Variants in VEGFC observed in about 807,000 individuals in gnomAD.
The protein encoded by VEGFC is FLT4 ligand DHM.
A neutral mutation model predicts 46.1 loss-of-function variants in VEGFC; 12 were observed. The observed-to-expected ratio is 0.26, with a 90% CI of 0.17 to 0.42. The LOEUF (loss-of-function observed/expected upper bound fraction) is 0.42, where lower values mean the gene tolerates loss of function less well. VEGFC is among the 10% of genes least tolerant of loss of function. The probability of loss-of-function intolerance (pLI) is 1.00; values close to 1 mark genes in which losing one functional copy is unlikely to be tolerated. For missense variants in VEGFC, 488 were observed against 529.4 expected, an observed-to-expected ratio of 0.92 and a Z score of 0.77; for synonymous variants, 232 against 195.5, an observed-to-expected ratio of 1.19 and a Z score of -1.56.
intron 1 of VEGFC, among the ~76,000 whole-genome samples, chr4:176,789,878 A>T (rs1303590706): frequency 6.6e-6 from 1 of 152,158 alleles, no homozygotes. Context: ...TTGATTTTTT[A>T]AATATTAAAA....
chr4:176,712,076 C>T (rs1318326751), intron 3 of VEGFC, among the ~76,000 whole-genome samples: 3 of 152,074 alleles, frequency 2.0e-5, no homozygotes, highest in African/African-American at 7.2e-5. Context: ...GGCCACACAA[C>T]CCAGAAATAC....
At position 176,727,983 on chromosome 4, in the gene VEGFC, G is replaced by A. The variant is rs1734901408; in HGVS notation, c.362-15C>T. The A allele has an allele frequency of 4.5e-6, 7 of 1,561,720 alleles. No homozygotes were observed. The highest frequency in any genetic ancestry group is 2.4e-5 in the South Asian group (2 of 82,466). ...ATTATCAATACCTGTCAAGTCATAG[G>A]GAAATCAGTAAGTTTTACGGAAACC... On this transcript the variant is annotated splice_polypyrimidine_tract_variant and intron_variant, in intron 2 of 6. Transcript: ENST00000618562.
intron 1 of VEGFC, among the ~76,000 whole-genome samples, chr4:176,734,642 G>T (rs1327645186): frequency 6.6e-6 from 1 of 151,790 alleles, no homozygotes; most frequent in Non-Finnish European, 1.5e-5. Flanking sequence ...AAAGGAATTT[G>T]CAGACTTTAA....
At chr4:176,689,879 G>C (rs184280000) in intron 4 of VEGFC, among the ~76,000 whole-genome samples, 60 of 152,226 alleles carry the variant, frequency 3.9e-4, no homozygotes, top group Middle Eastern at 3.4e-3. Flanking sequence ...TATCAAGAGA[G>C]TTTGTCACTT....
At chr4:176,722,500 T>G (rs59052904) in intron 3 of VEGFC, among the ~76,000 whole-genome samples, 8,082 of 116,044 alleles carry the variant, frequency 0.07, 414 homozygotes, top group African/African-American at 0.23. Context: ...TTTTTTTTTG[T>G]TTTTTTTTTT....
intron 3 of VEGFC, among the ~76,000 whole-genome samples, chr4:176,715,728 C>CT (rs3836596): frequency 6.6e-5 from 10 of 151,992 alleles, no homozygotes; most frequent in African/African-American, 2.4e-4. Flanking sequence ...TTTCCGTAAG[C>CT]TTTTTTTCCT....
rs1358472657 is a variant in VEGFC at position 176,736,118 on chromosome 4, G to A, written c.148-6372C>T. ...GACCTAAAAAGTACTTCTCAATTAG[G>A]AGAAAAATCTTGGAAGTAATTTGCA... is the stretch of plus-strand genomic sequence containing the variant. On this transcript the variant is annotated intron_variant, in intron 1 of 6. Transcript: ENST00000618562. Among the ~76,000 whole-genome samples the A allele has an allele frequency of 1.1e-4, 16 of 151,766 alleles. No homozygotes were observed. The Admixed American group carries it at 1.1e-3, about 10-fold the overall frequency.
At chr4:176,704,909 T>C (rs1476294036) in intron 4 of VEGFC, among the ~76,000 whole-genome samples, 1 of 152,150 alleles carries the variant, frequency 6.6e-6, no homozygotes, top group Non-Finnish European at 1.5e-5. Context: ...TATGTTTACA[T>C]GTCTGGTTCA....
At chr4:176,698,543 A>G (rs1579092312) in intron 4 of VEGFC, among the ~76,000 whole-genome samples, 1 of 152,160 alleles carries the variant, frequency 6.6e-6, no homozygotes, top group African/African-American at 2.4e-5. Flanking sequence ...ATGATTACCA[A>G]AATCAAGCTA....
At chr4:176,753,539 T>G (rs1005997558) in intron 1 of VEGFC, among the ~76,000 whole-genome samples, 2 of 152,090 alleles carry the variant, frequency 1.3e-5, no homozygotes, top group East Asian at 3.9e-4. Context: ...TAGAATATTA[T>G]TTTACCAAAG....
intron 1 of VEGFC, among the ~76,000 whole-genome samples, chr4:176,775,439 GTTTC>G (rs756062387): frequency 5.6e-4 from 86 of 152,248 alleles, no homozygotes; most frequent in Non-Finnish European, 9.1e-4. Context: ...TGGACAGCCT[GTTTC>G]TTAGGATAAC....
At chr4:176,730,453 A>C (rs1579110572) in intron 1 of VEGFC, among the ~76,000 whole-genome samples, 1 of 152,176 alleles carries the variant, frequency 6.6e-6, no homozygotes, top group East Asian at 1.9e-4. Context: ...CTAAGAAATA[A>C]ATACAATTTT....
At chr4:176,744,782 C>G (rs1172462622) in intron 1 of VEGFC, among the ~76,000 whole-genome samples, 1 of 151,916 alleles carries the variant, frequency 6.6e-6, no homozygotes, top group African/African-American at 2.4e-5. Context: ...GAAGCTGAGG[C>G]TTAGAGAGAG....
chr4:176,737,958 G>T (rs1002363777), intron 1 of VEGFC, among the ~76,000 whole-genome samples: 1 of 151,616 alleles, frequency 6.6e-6, no homozygotes, highest in Non-Finnish European at 1.5e-5. Flanking sequence ...TGAACAAACT[G>T]TCCTCTTGAA....
intron 1 of VEGFC, among the ~76,000 whole-genome samples, chr4:176,754,138 T>TCTTTCAATGTTTTGAC (rs751091647): frequency 5.9e-4 from 90 of 152,054 alleles, no homozygotes; most frequent in Non-Finnish European, 9.9e-4. Context: ...AATTTCGAAT[T>TCTTTCAATGTTTTGAC]CTTTCAATGG....
rs765042630 is a variant in VEGFC at position 176,792,230 on chromosome 4, C to A, written c.82G>T (p.Ala28Ser). 42 of 1,555,672 alleles carry A rather than the reference C, an allele frequency of 2.7e-5. No individual in the cohort carries two copies. In the South Asian group the frequency reaches 4.2e-4, roughly 16 times the overall value. Residue 28 changes from alanine (A) to serine (S), a missense_variant, in exon 1 of 7, where the codon GCC (alanine) becomes TCC (serine). Physicochemically the swap from Ala to Ser is moderately conservative, Grantham distance 99 (BLOSUM62 1). Transcript: ENST00000618562. The surrounding 1 kb of genome is among the most constrained non-coding windows in gnomAD (Gnocchi z 6.3). ...LLPGPREAPA[A>S]AAAFESGLDL... ...AGTCCGGACTCGAAGGCGGCGGCGG[C>A]GGCGGGCGCCTCGCGAGGACCCGGG...
rs1375086750 is a variant in VEGFC at position 176,729,591 on chromosome 4, T to C, written c.303A>G (p.Ser101=). ...QHNREQANLN[S]RTEETIKFAA... The stretch of plus-strand genomic sequence containing the variant: ...CAAATTTTATAGTCTCTTCTGTCCT[T>C]GAGTTGAGGTTGGCCTGTTCTCTGT... The change falls in exon 2 of 7, where the codon TCA becomes TCG. Residue 101 remains serine (S), a synonymous_variant. Coordinates refer to ENST00000618562, the MANE Select transcript of VEGFC (RefSeq NM_005429.5). 6.2e-7 allele frequency: 1 copy of C among 1,612,194 alleles called. No homozygotes were observed. The highest frequency in any genetic ancestry group is 1.3e-5 in the African/African-American group (1 of 74,898).
At chr4:176,767,666 A>T (rs1246800972) in intron 1 of VEGFC, among the ~76,000 whole-genome samples, 2 of 152,228 alleles carry the variant, frequency 1.3e-5, no homozygotes, top group African/African-American at 4.8e-5. Context: ...TTTTAATTGA[A>T]ACACTGCCAG....
At chr4:176,723,790 G>A (rs1193360847) in intron 3 of VEGFC, among the ~76,000 whole-genome samples, 3 of 142,692 alleles carry the variant, frequency 2.1e-5, no homozygotes, top group Non-Finnish European at 3.0e-5. Flanking sequence ...TTTAGGTTTG[G>A]GGGTGCATGT....
Sources: gnomAD v4.1 joint callset for allele counts (sites outside exome capture counted in the v4.1 genomes callset) on GRCh38, gnomAD v4.1.1 for gene constraint, Gnocchi (gnomAD v3.1) non-coding constraint, MANE v1.5 for transcripts, NCBI Gene and HGNC (gene_info 2026-07-23, HGNC 2026-07-21) for gene names.